Variants in GRID2 observed in about 807,000 individuals in gnomAD.
GRID2 encodes glutamate ionotropic receptor delta type subunit 2.
In GRID2, 33 loss-of-function variants were observed where a neutral mutation model predicts 114.8. That is an observed-to-expected ratio of 0.29 (90% CI 0.22 to 0.38). The LOEUF is 0.38. Ranked by LOEUF, GRID2 falls within the 10% of genes least tolerant of loss-of-function variation. The pLI is 1.00. For missense variants in GRID2, 1,184 were observed against 1,257.7 expected, an observed-to-expected ratio of 0.94 and a Z score of 0.89; for synonymous variants, 505 against 449.9, an observed-to-expected ratio of 1.12 and a Z score of -1.55.
chr4:92,740,941 A>G (rs1023551293), intron 2 of GRID2, among the ~76,000 whole-genome samples: 15 of 152,026 alleles, frequency 9.9e-5, no homozygotes, highest in Non-Finnish European at 1.9e-4. Context: ...GTTTTATTAG[A>G]AGGGGTTTCA....
intron 2 of GRID2, among the ~76,000 whole-genome samples, chr4:93,012,868 T>C (rs961882596): frequency 6.6e-6 from 1 of 151,766 alleles, no homozygotes; most frequent in African/African-American, 2.4e-5. Context: ...TGCATGTGTA[T>C]ACGTGGGAAT....
At chr4:93,177,185 G>C (rs931019332) in intron 4 of GRID2, among the ~76,000 whole-genome samples, 1 of 152,080 alleles carries the variant, frequency 6.6e-6, no homozygotes, top group Non-Finnish European at 1.5e-5. Context: ...CAAAATCCCT[G>C]TGGCTTCTAT....
intron 1 of GRID2, among the ~76,000 whole-genome samples, chr4:92,502,493 C>G (rs1208490834): frequency 2.6e-5 from 4 of 151,796 alleles, no homozygotes; most frequent in Admixed American, 2.0e-4. Context: ...TAAATACATG[C>G]AACTACATGA....
intron 1 of GRID2, among the ~76,000 whole-genome samples, chr4:92,451,306 T>C (rs1469134224): frequency 6.6e-6 from 1 of 152,166 alleles, no homozygotes; most frequent in African/African-American, 2.4e-5. Flanking sequence ...ATTAGTGATA[T>C]TAATTAAATC....
At chr4:92,485,216 T>G (rs1722803695) in intron 1 of GRID2, among the ~76,000 whole-genome samples, 1 of 149,200 alleles carries the variant, frequency 6.7e-6, no homozygotes, top group African/African-American at 2.5e-5. Flanking sequence ...AATATTCAAA[T>G]GTTTCTAATT....
intron 2 of GRID2, among the ~76,000 whole-genome samples, chr4:92,989,294 A>T (rs1020705718): frequency 0.018 from 2,651 of 145,418 alleles, 56 homozygotes; most frequent in East Asian, 0.049. Context: ...AAAAAAAAAA[A>T]AAAAAAAATA....
intron 1 of GRID2, among the ~76,000 whole-genome samples, chr4:92,503,950 CAGTT>C (rs1249891169): frequency 4.6e-5 from 7 of 151,904 alleles, no homozygotes; most frequent in African/African-American, 1.2e-4. Flanking sequence ...AAAATAATAA[CAGTT>C]AGATTGAAAA....
rs1765264953 is a variant in GRID2, at chr4:93,395,708, GGTAA to G, written c.1347+4_1347+7del. On this transcript the variant is annotated splice_donor_variant and splice_donor_region_variant and intron_variant, in intron 9 of 15. Coordinates refer to ENST00000282020, the MANE Select transcript of GRID2 (RefSeq NM_001510.4). LOFTEE classifies it high-confidence loss of function. The stretch of plus-strand genomic sequence containing the variant: ...TGGTTCTACGTGTAGTAACTGTTCT[GGTAA>G]GTATTATCTGAGCCTCGTGGTTTTG... 2 of 1,382,550 alleles carry G rather than the reference GGTAA, an allele frequency of 1.4e-6. No individual in the cohort carries two copies. The highest frequency in any genetic ancestry group is 1.4e-5 in the African/African-American group (1 of 69,980). 85.6% of individuals were successfully genotyped at this position (1,382,550 alleles called of 1,614,324 possible).
chr4:93,594,273 C>G (rs527267338), intron 13 of GRID2, among the ~76,000 whole-genome samples: 20 of 152,188 alleles, frequency 1.3e-4, no homozygotes, highest in East Asian at 9.6e-4. Flanking sequence ...CCTTCTAACA[C>G]ACAGGACCCT....
intron 3 of GRID2, among the ~76,000 whole-genome samples, chr4:93,091,970 C>G (rs551000793): frequency 6.6e-6 from 1 of 152,122 alleles, no homozygotes; most frequent in Non-Finnish European, 1.5e-5. Context: ...TAATCCCACA[C>G]GACTTTCATG....
At chr4:93,438,321 G>C (rs973959952) in intron 10 of GRID2, among the ~76,000 whole-genome samples, 1 of 152,120 alleles carries the variant, frequency 6.6e-6, no homozygotes, top group African/African-American at 2.4e-5. Flanking sequence ...CTTCTGCCTG[G>C]GGAGTTGAAA....
intron 9 of GRID2, among the ~76,000 whole-genome samples, chr4:93,402,771 A>G (rs1054220174): frequency 6.6e-6 from 1 of 152,104 alleles, no homozygotes; most frequent in Non-Finnish European, 1.5e-5. Flanking sequence ...TATATCAATT[A>G]TATTATCTCA....
At chr4:93,197,345 C>T (rs1741598020) in intron 4 of GRID2, among the ~76,000 whole-genome samples, 2 of 152,092 alleles carry the variant, frequency 1.3e-5, no homozygotes, top group South Asian at 2.1e-4. Context: ...GGGTGAGTTA[C>T]TTTAACTTTT....
At chr4:93,079,840 G>C (rs1729694309) in intron 2 of GRID2, among the ~76,000 whole-genome samples, 1 of 152,096 alleles carries the variant, frequency 6.6e-6, no homozygotes, top group Non-Finnish European at 1.5e-5. Flanking sequence ...TTACTCAACT[G>C]AGTTCATTTG....
intron 2 of GRID2, among the ~76,000 whole-genome samples, chr4:92,668,907 A>C (rs1390503641): frequency 6.6e-6 from 1 of 151,906 alleles, no homozygotes; most frequent in Non-Finnish European, 1.5e-5. Context: ...GTGGTGACCA[A>C]AAGAGGAATA....
intron 2 of GRID2, among the ~76,000 whole-genome samples, chr4:93,058,254 C>T (rs1037806093): frequency 2.6e-5 from 4 of 151,944 alleles, no homozygotes; most frequent in Admixed American, 6.6e-5. Context: ...TTTAAAGAAT[C>T]TTCAAGAAGC....
intron 8 of GRID2, among the ~76,000 whole-genome samples, chr4:93,290,872 C>CTTTTTTTT (rs56735687): frequency 6.8e-5 from 6 of 88,526 alleles, no homozygotes; most frequent in African/African-American, 9.0e-5. Context: ...ATACAAGTTA[C>CTTTTTTTT]TTTTTTTTTT....
chr4:92,986,226 T>C (rs1419677168), intron 2 of GRID2, among the ~76,000 whole-genome samples: 2 of 152,278 alleles, frequency 1.3e-5, no homozygotes, highest in African/African-American at 4.8e-5. Flanking sequence ...GGACTATATT[T>C]ATAATCCATG....
intron 11 of GRID2, among the ~76,000 whole-genome samples, chr4:93,470,064 A>C (rs912739770): frequency 6.6e-6 from 1 of 152,146 alleles, no homozygotes; most frequent in Non-Finnish European, 1.5e-5. Context: ...ATGCTGACTT[A>C]AATTAGGTTA....
Sources: allele counts gnomAD v4.1 joint callset (sites outside exome capture counted in the v4.1 genomes callset), GRCh38; gene constraint gnomAD v4.1.1; transcripts MANE v1.5; gene names NCBI Gene and HGNC (gene_info 2026-07-23, HGNC 2026-07-21).